Variants in RAB28 observed in about 807,000 individuals in gnomAD.
The protein encoded by RAB28 is ras-related protein Rab-28.
A neutral mutation model predicts 31.7 loss-of-function variants in RAB28; 24 were observed. That is an observed-to-expected ratio of 0.76 (90% CI 0.55 to 1.06). The LOEUF (loss-of-function observed/expected upper bound fraction) is 1.06, where lower values mean the gene tolerates loss of function less well. RAB28 is among the 50% of genes least tolerant of loss of function. The pLI is 0.00. For missense variants in RAB28, 254 were observed against 258.5 expected, an observed-to-expected ratio of 0.98 and a Z score of 0.12; for synonymous variants, 100 against 90.4, an observed-to-expected ratio of 1.11 and a Z score of -0.60.
chr4:13,419,023 A>T (rs1458956428), intron 4 of RAB28, among the ~76,000 whole-genome samples: 1 of 152,228 alleles, frequency 6.6e-6, no homozygotes, highest in Non-Finnish European at 1.5e-5. Context: ...GTGCAGAGAC[A>T]CACATAGGCT....
intron 4 of RAB28, among the ~76,000 whole-genome samples, chr4:13,416,275 A>G (rs1206613801): frequency 1.3e-5 from 2 of 152,156 alleles, no homozygotes; most frequent in Non-Finnish European, 2.9e-5. Flanking sequence ...TGCCTTTATG[A>G]GCTGTAACAC....
chr4:13,451,608 C>G (rs1714971815), intron 4 of RAB28, among the ~76,000 whole-genome samples: 1 of 151,354 alleles, frequency 6.6e-6, no homozygotes, highest in African/African-American at 2.4e-5. Flanking sequence ...TTTATTTTTG[C>G]TTTTGTTGCC....
intron 4 of RAB28, among the ~76,000 whole-genome samples, chr4:13,445,815 A>C (rs964227118): frequency 2.0e-5 from 3 of 152,198 alleles, no homozygotes; most frequent in African/African-American, 7.2e-5. Flanking sequence ...GGTCTCTCCC[A>C]GTCAGGAGGC....
chr4:13,482,848 A>T (rs1405416513), intron 1 of RAB28, among the ~76,000 whole-genome samples: 7 of 152,190 alleles, frequency 4.6e-5, no homozygotes, highest in African/African-American at 1.7e-4. Context: ...TCGAAACTCA[A>T]ATGTCAGAAC....
intron 4 of RAB28, among the ~76,000 whole-genome samples, chr4:13,397,784 G>A (rs1356580603): frequency 1.3e-5 from 2 of 152,022 alleles, no homozygotes; most frequent in Non-Finnish European, 2.9e-5. Flanking sequence ...ATATTCATTT[G>A]TTAATTTCTT....
At position 13,367,813 on chromosome 4, in the gene RAB28, T is replaced by C. The variant is rs139761647; in HGVS notation, c.*745A>G. 1 of 984,844 alleles carries C rather than the reference T, an allele frequency of 1.0e-6. No individual in the cohort carries two copies. The highest frequency in any genetic ancestry group is 1.7e-5 in the African/African-American group (1 of 57,232). The allele number at this position is 984,844 out of a possible 1,614,324, so 61.0% of individuals were successfully genotyped here. Reference sequence around the variant, plus strand: ...TGTCATAACTCATTCTCGGGAGTACTCTTATGCAGTTTGCAAGAGAAATTC... The same window carrying C: ...TGTCATAACTCATTCTCGGGAGTACCCTTATGCAGTTTGCAAGAGAAATTC... On this transcript the variant is annotated 3_prime_UTR_variant, in exon 7 of 7. Transcript: ENST00000330852.
intron 4 of RAB28, among the ~76,000 whole-genome samples, chr4:13,390,501 T>C (rs1729579043): frequency 6.6e-6 from 1 of 151,972 alleles, no homozygotes; most frequent in Non-Finnish European, 1.5e-5. Context: ...CCAAGGTAAT[T>C]TATAGATTCA....
intron 4 of RAB28, among the ~76,000 whole-genome samples, chr4:13,406,352 T>A (rs1452540215): frequency 1.3e-5 from 2 of 152,216 alleles, no homozygotes; most frequent in African/African-American, 4.8e-5. Context: ...CATGGCTGCA[T>A]AGTATTCCAT....
At position 13,381,521 on chromosome 4, in the gene RAB28, G is replaced by A; in HGVS notation, c.465C>T (p.Ser155=). Residue 155 remains serine, a synonymous_variant, in exon 5 of 7, where the codon AGC becomes AGT. Coordinates refer to ENST00000330852, the MANE Select transcript of RAB28 (RefSeq NM_001017979.3). ...LRFCQENGFS[S]HFVSAKTGDS... is the part of the protein sequence containing the mutation. ...CTCCTGTCTTGGCTGAGACAAAGTG[G>A]CTACTAAAACCATTTTCCTGGCAAA... The A allele has an allele frequency of 6.2e-7, 1 of 1,612,856 alleles. No individual in the cohort carries two copies. The highest frequency in any genetic ancestry group is 8.5e-7 in the Non-Finnish European group (1 of 1,179,170).
At chr4:13,444,441 C>CA (rs1161776707) in intron 4 of RAB28, among the ~76,000 whole-genome samples, 9 of 152,224 alleles carry the variant, frequency 5.9e-5, no homozygotes, top group African/African-American at 1.9e-4. Context: ...GACACATAGG[C>CA]AGACTCCATA....
At chr4:13,437,268 A>T (rs1004335760) in intron 4 of RAB28, among the ~76,000 whole-genome samples, 1 of 152,174 alleles carries the variant, frequency 6.6e-6, no homozygotes, top group African/African-American at 2.4e-5. Flanking sequence ...ATCCTAGAAG[A>T]AACTATAGGT....
intron 4 of RAB28, among the ~76,000 whole-genome samples, chr4:13,409,525 G>GC (rs1206092513): frequency 6.6e-6 from 1 of 152,152 alleles, no homozygotes; most frequent in East Asian, 1.9e-4. Context: ...CACAAGCAGT[G>GC]CAAGTACTCA....
chr4:13,417,441 G>T (rs538220185), intron 4 of RAB28, among the ~76,000 whole-genome samples: 2 of 152,332 alleles, frequency 1.3e-5, no homozygotes, highest in African/African-American at 4.8e-5. Flanking sequence ...GCCTCCTCAA[G>T]TGGGTCCCTG....
intron 6 of RAB28, chr4:13,371,716 G>C: frequency 6.5e-7 from 1 of 1,533,364 alleles, no homozygotes; most frequent in Non-Finnish European, 8.8e-7. Flanking sequence ...CTTCATGGTA[G>C]GTGGTTTCAC....
chr4:13,449,905 T>C (rs1022346426), intron 4 of RAB28, among the ~76,000 whole-genome samples: 1 of 151,880 alleles, frequency 6.6e-6, no homozygotes, highest in African/African-American at 2.4e-5. Flanking sequence ...CAACTGAGAA[T>C]GTTAGCTAGT....
At chr4:13,390,889 T>G (rs1729598136) in intron 4 of RAB28, among the ~76,000 whole-genome samples, 1 of 152,148 alleles carries the variant, frequency 6.6e-6, no homozygotes, top group South Asian at 2.1e-4. Flanking sequence ...CCTTACACCT[T>G]ATACAAAAAT....
At chr4:13,454,433 C>G (rs1715179068) in intron 4 of RAB28, among the ~76,000 whole-genome samples, 6 of 152,040 alleles carry the variant, frequency 3.9e-5, no homozygotes. Context: ...ATGTTGATTT[C>G]TATGCATCTG....
chr4:13,398,308 AT>A (rs779305693), intron 4 of RAB28, among the ~76,000 whole-genome samples: 9 of 152,150 alleles, frequency 5.9e-5, no homozygotes, highest in Non-Finnish European at 1.3e-4. Flanking sequence ...CTATCAGACA[AT>A]TTCAAACTGG....
chr4:13,433,443 T>C (rs972257034), intron 4 of RAB28, among the ~76,000 whole-genome samples: 2 of 152,022 alleles, frequency 1.3e-5, no homozygotes, highest in African/African-American at 2.4e-5. Flanking sequence ...GGGAACTTAA[T>C]TCAACAAGCA....
Sources: allele counts gnomAD v4.1 joint callset (sites outside exome capture counted in the v4.1 genomes callset), GRCh38; gene constraint gnomAD v4.1.1; transcripts MANE v1.5; gene names NCBI Gene and HGNC (gene_info 2026-07-23, HGNC 2026-07-21).